CDH18: variants seen among roughly 807,000 people sequenced by gnomAD.
CDH18 encodes the protein cadherin-18.
CDH18 carries 31 observed loss-of-function variants against 67.9 expected under a neutral mutation model. That is an observed-to-expected ratio of 0.46 (90% confidence interval 0.34 to 0.62). CDH18 has a LOEUF of 0.62. CDH18 is among the 20% of genes least tolerant of loss of function. CDH18 has a pLI of 0.01. For missense variants in CDH18, 890 were observed against 975.5 expected (o/e 0.91, Z 1.17); for synonymous variants, 362 against 347.2 (o/e 1.04, Z -0.48).
intron 3 of CDH18, among the ~76,000 whole-genome samples, chr5:19,800,782 T>A (rs1273773635): frequency 3.3e-5 from 5 of 152,068 alleles, no homozygotes; most frequent in Admixed American, 1.3e-4. Context: ...GAGCTCTGAG[T>A]AGAAAATGGT....
chr5:19,563,382 T>C (rs1314206931), intron 8 of CDH18, among the ~76,000 whole-genome samples: 1 of 152,172 alleles, frequency 6.6e-6, no homozygotes, highest in East Asian at 1.9e-4. Flanking sequence ...TGAAACAGTT[T>C]ATGGAATGAT....
chr5:19,562,584 T>C (rs1191895531), intron 8 of CDH18, among the ~76,000 whole-genome samples: 1 of 152,148 alleles, frequency 6.6e-6, no homozygotes, highest in African/African-American at 2.4e-5. Flanking sequence ...CATCCATTTC[T>C]TTAAAATTAT....
intron 3 of CDH18, among the ~76,000 whole-genome samples, chr5:19,766,864 A>G (rs953404575): frequency 1.3e-5 from 2 of 152,262 alleles, no homozygotes; most frequent in East Asian, 3.9e-4. Context: ...TCTGATGCCA[A>G]AGAATGCCTT....
intron 2 of CDH18, among the ~76,000 whole-genome samples, chr5:19,923,245 A>G (rs1792703483): frequency 6.6e-6 from 1 of 152,190 alleles, no homozygotes; most frequent in African/African-American, 2.4e-5. Context: ...AAGCCTCCAG[A>G]TGATTTCAGC....
intron 2 of CDH18, among the ~76,000 whole-genome samples, chr5:20,018,347 A>G (rs1738073708): frequency 1.3e-5 from 2 of 152,186 alleles, no homozygotes; most frequent in South Asian, 4.1e-4. Context: ...AATAGGCCCA[A>G]TTACAACATA....
chr5:19,816,057 CTTTT>C (rs1779255009), intron 3 of CDH18, among the ~76,000 whole-genome samples: 2 of 151,814 alleles, frequency 1.3e-5, no homozygotes, highest in Non-Finnish European at 3.0e-5. Flanking sequence ...GAACGTCATT[CTTTT>C]GTTTATTCAG....
intron 1 of CDH18, among the ~76,000 whole-genome samples, chr5:20,451,204 T>A (rs1750420218): frequency 6.6e-6 from 1 of 152,230 alleles, no homozygotes; most frequent in Admixed American, 6.5e-5. Flanking sequence ...TATGTCTTTT[T>A]TCATCAATGT....
intron 7 of CDH18, among the ~76,000 whole-genome samples, chr5:19,588,797 C>CA (rs869253622): frequency 1.3e-5 from 2 of 151,492 alleles, no homozygotes; most frequent in African/African-American, 4.8e-5. Flanking sequence ...TCGAAAAAGA[C>CA]AAAAAAAGAG....
Position 19,736,183 on chromosome 5 carries a change from A to G in CDH18, c.523+10759T>C, listed in dbSNP as rs142078380. Among the ~76,000 whole-genome samples, 195 of 152,292 alleles carry G rather than the reference A, an allele frequency of 1.3e-3. 1 individual carries two copies. The highest frequency in any genetic ancestry group is 4.5e-3 in the African/African-American group (189 of 41,572). On this transcript the variant is annotated intron_variant, in intron 4 of 12. Transcript: ENST00000382275. The stretch of plus-strand genomic sequence containing the variant: ...TAAAGAACACTTGAACGTAACAATT[A>G]AAATTTTGTTCAGTGTGGGCAACAT...
intron 1 of CDH18, among the ~76,000 whole-genome samples, chr5:20,559,664 T>C (rs1758096327): frequency 6.6e-6 from 1 of 152,162 alleles, no homozygotes. Context: ...TTTAAACTAA[T>C]AGAAAAATAT....
At chr5:20,523,148 TC>T (rs1330170627) in intron 1 of CDH18, among the ~76,000 whole-genome samples, 1 of 152,228 alleles carries the variant, frequency 6.6e-6, no homozygotes, top group African/African-American at 2.4e-5. Context: ...TAATCTCATT[TC>T]AATCACTATC....
Position 20,232,465 on chromosome 5 carries a change from C to A in CDH18, c.-518+22979G>T, listed in dbSNP as rs540332588. 3.3e-5 allele frequency among the ~76,000 whole-genome samples: 5 copies of A among 152,112 alleles called. No homozygotes were observed. In the East Asian group the frequency reaches 7.7e-4, roughly 24 times the overall value. On this transcript the variant is annotated intron_variant, in intron 2 of 14. Coordinates refer to the CDH18 transcript ENST00000507958. ...ACAGTTATTAGGCTTTGTCAAACTG[C>A]CATTAGAGTTATTTTTAGTTTAGAA...
At position 19,593,707 on chromosome 5, in the gene CDH18, C is replaced by CCTCCTCCTTCTT; in HGVS notation, c.812-2464_812-2463insAAGAAGGAGGAG. The stretch of plus-strand genomic sequence containing the variant: ...TCCTTCTCTTCCTCTTCCTCCTCCT[C>CCTCCTCCTTCTT]CTTCTTCTTCTTCTTCTTCTTCTTC... On this transcript the variant is annotated intron_variant, in intron 6 of 12. Coordinates refer to ENST00000382275, the MANE Select transcript of CDH18 (RefSeq NM_004934.5). Among the ~76,000 whole-genome samples, 34 of 33,396 alleles carry CCTCCTCCTTCTT rather than the reference C, an allele frequency of 1.0e-3. 1 individual carries two copies. The highest frequency in any genetic ancestry group is 3.6e-3 in the African/African-American group (31 of 8,616). 21.9% of individuals were successfully genotyped at this position (33,396 alleles called of 152,430 possible).
At chr5:19,655,902 A>C (rs1472382160) in intron 5 of CDH18, among the ~76,000 whole-genome samples, 1 of 150,928 alleles carries the variant, frequency 6.6e-6, no homozygotes, top group African/African-American at 2.4e-5. Flanking sequence ...TGCTTCTTCT[A>C]TTTGGGATTA....
chr5:19,964,911 T>A (rs7705291), intron 2 of CDH18, among the ~76,000 whole-genome samples: 18,818 of 152,038 alleles, frequency 0.12, 3,330 homozygotes, highest in African/African-American at 0.39. Context: ...ATTAAAGATA[T>A]AAGGGCTTTA....
At chr5:20,095,589 G>GAAGAAAGAAAGAAAGA (rs775835944) in intron 2 of CDH18, among the ~76,000 whole-genome samples, 111,408 of 141,654 alleles carry the variant, frequency 0.79, 46,005 homozygotes, top group Non-Finnish European at 0.89. Context: ...AGGAAGAAAG[G>GAAGAAAGAAAGAAAGA]AAGAAAGAAG....
intron 2 of CDH18, among the ~76,000 whole-genome samples, chr5:20,055,958 T>G (rs1443866568): frequency 6.6e-6 from 1 of 151,522 alleles, no homozygotes; most frequent in Non-Finnish European, 1.5e-5. Context: ...GCATCCACAG[T>G]TTATGTCTAA....
intron 5 of CDH18, among the ~76,000 whole-genome samples, chr5:19,713,307 C>G (rs1764950594): frequency 6.6e-6 from 1 of 152,024 alleles, no homozygotes; most frequent in Non-Finnish European, 1.5e-5. Flanking sequence ...TTTTTACTCT[C>G]CTGGTAGCAG....
At chr5:19,963,180 C>T (rs77023793) in intron 2 of CDH18, among the ~76,000 whole-genome samples, 4,399 of 152,126 alleles carry the variant, frequency 0.029, 145 homozygotes, top group African/African-American at 0.083. Context: ...CCTTACATAC[C>T]GTCATAATTT....
Sources: allele counts gnomAD v4.1 joint callset (sites outside exome capture counted in the v4.1 genomes callset), GRCh38; gene constraint gnomAD v4.1.1; transcripts MANE v1.5; gene names NCBI Gene and HGNC (gene_info 2026-07-23, HGNC 2026-07-21).